Variants in CD99L2 observed in about 807,000 individuals in gnomAD.
The protein encoded by CD99L2 is CD99 molecule like 2.
Under a neutral mutation model 27.3 loss-of-function variants are expected in CD99L2, and 24 were observed. The ratio of observed to expected loss-of-function variants is 0.88; its 90% CI spans 0.64 to 1.24. The LOEUF is 1.24. Among genes scored for constraint, CD99L2 ranks in the 50% most tolerant of loss-of-function variants. The pLI is 0.00. For synonymous variants in CD99L2, 97 were observed against 87.9 expected (o/e 1.10, Z -0.58); for missense variants, 255 against 221.6 (o/e 1.15, Z -0.96).
chrX:150,861,730 GT>G (rs1163140395), intron 1 of CD99L2, among the ~76,000 whole-genome samples: 1 of 109,291 alleles, frequency 9.1e-6, no homozygotes, highest in Non-Finnish European at 1.9e-5. Context: ...GTGAAACCCC[GT>G]CTCTACTAAA....
chrX:150,887,045 T>C (rs926202899), intron 1 of CD99L2, among the ~76,000 whole-genome samples: 9 of 108,605 alleles, frequency 8.3e-5, no homozygotes, highest in Non-Finnish European at 1.5e-4. Context: ...TGTGGGAGGC[T>C]GACGTGGGAA....
chrX:150,893,875 C>G lies in CD99L2; in HGVS notation c.67+4647G>C, dbSNP rs1371627073. 3.6e-5 allele frequency among the ~76,000 whole-genome samples: 4 copies of G among 109,859 alleles called. No homozygotes were observed. In the East Asian group the frequency reaches 1.2e-3, roughly 32 times the overall value. ...GGACTACAAGCGTGTACCACCATGC[C>G]CAGCTAATTTTTGTATTTTTAGTAG... On this transcript the variant is annotated intron_variant, in intron 1 of 10. Coordinates refer to ENST00000370377, the MANE Select transcript of CD99L2 (RefSeq NM_031462.4).
intron 1 of CD99L2, among the ~76,000 whole-genome samples, chrX:150,856,809 A>C (rs1557421764): frequency 3.6e-5 from 4 of 111,175 alleles, no homozygotes. Context: ...CAAATCATTG[A>C]TTCTAAAGAA....
At chrX:150,870,462 C>A (rs1382923928) in intron 1 of CD99L2, among the ~76,000 whole-genome samples, 1 of 112,213 alleles carries the variant, frequency 8.9e-6, no homozygotes, top group African/African-American at 3.2e-5. Context: ...GTGGCATGTG[C>A]CTGTAATCCC....
intron 1 of CD99L2, among the ~76,000 whole-genome samples, chrX:150,852,483 C>T (rs2046808403): frequency 9.1e-6 from 1 of 110,043 alleles, no homozygotes; most frequent in Non-Finnish European, 1.9e-5. Flanking sequence ...CCTTTTTGAA[C>T]AGCTTTGTTG....
chrX:150,811,421 A>C (rs1474265322), intron 4 of CD99L2, among the ~76,000 whole-genome samples: 1 of 111,756 alleles, frequency 8.9e-6, no homozygotes, highest in Non-Finnish European at 1.9e-5. Context: ...AATACAAAAA[A>C]CTTCCCCAAA....
At chrX:150,869,227 T>C (rs2047117634) in intron 1 of CD99L2, among the ~76,000 whole-genome samples, 1 of 111,411 alleles carries the variant, frequency 9.0e-6, no homozygotes, top group Non-Finnish European at 1.9e-5. Flanking sequence ...CTAACTCCCA[T>C]GTGTGCAGGG....
intron 1 of CD99L2, among the ~76,000 whole-genome samples, chrX:150,847,976 C>T (rs141403210): frequency 1.8e-3 from 203 of 110,808 alleles, no homozygotes; most frequent in African/African-American, 5.8e-3. Flanking sequence ...AATCCATTCT[C>T]CACACAGCAG....
chrX:150,876,608 G>A (rs1415592583), intron 1 of CD99L2, among the ~76,000 whole-genome samples: 2 of 111,982 alleles, frequency 1.8e-5, no homozygotes, highest in Non-Finnish European at 3.8e-5. Flanking sequence ...TCTAGGTCCT[G>A]GGAATATAAC....
Position 150,793,686 on chromosome X carries a change from C to A in CD99L2, c.496+5G>T. 1 of 1,185,700 alleles carries A rather than the reference C, an allele frequency of 8.4e-7. No homozygotes were observed. The highest frequency in any genetic ancestry group is 1.1e-6 in the Non-Finnish European group (1 of 882,807). ...GGTTGTGTTGGCACAAATCAATGCT[C>A]CTACCTTTACCCTTGTCAGGTTTGT... On this transcript the variant is annotated splice_donor_5th_base_variant and intron_variant, in intron 7 of 10. Transcript: ENST00000370377.
At chrX:150,898,466 T>C (rs1244593419) in intron 1 of CD99L2, 56 bp downstream of exon 1, 11 of 996,243 alleles carry the variant, frequency 1.1e-5, no homozygotes, top group Admixed American at 4.1e-5. Flanking sequence ...GAGCGACCCC[T>C]GGGCCCACAA....
intron 1 of CD99L2, among the ~76,000 whole-genome samples, chrX:150,889,111 C>A (rs2047460088): frequency 1.8e-5 from 2 of 112,876 alleles, no homozygotes; most frequent in Non-Finnish European, 3.7e-5. Flanking sequence ...ATACATGTGA[C>A]TATGTATAGT....
chrX:150,797,914 G>A (rs1372008190), intron 4 of CD99L2, among the ~76,000 whole-genome samples: 6 of 105,482 alleles, frequency 5.7e-5, no homozygotes, highest in African/African-American at 1.0e-4. Context: ...GTGTGGTGGC[G>A]TGCACCTGTG....
At chrX:150,789,408 C>CA (rs1557419655) in intron 7 of CD99L2, among the ~76,000 whole-genome samples, 1 of 111,987 alleles carries the variant, frequency 8.9e-6, no homozygotes. Flanking sequence ...AGGCGTGAGC[C>CA]ACCACGCCCG....
chrX:150,784,115 G>T (rs782722642), intron 7 of CD99L2, among the ~76,000 whole-genome samples: 2 of 111,033 alleles, frequency 1.8e-5, no homozygotes, highest in East Asian at 5.7e-4. Flanking sequence ...CTCCTTCTGG[G>T]GATAGGGAGA....
rs12690368 is a variant in CD99L2 at position 150,853,174 on chromosome X, C to T, written c.68-21881G>A. 6.3e-5 allele frequency among the ~76,000 whole-genome samples: 7 copies of T among 111,784 alleles called. No homozygotes were observed. The East Asian group carries it at 1.7e-3, about 27-fold the overall frequency. On this transcript the variant is annotated intron_variant, in intron 1 of 10. Transcript: ENST00000370377. Reference sequence around the variant, plus strand: ...ACCTTCAGACAGACACAAGAACACACGTAAGTGCACCTAGACATACTCCAG... The same window carrying T: ...ACCTTCAGACAGACACAAGAACACATGTAAGTGCACCTAGACATACTCCAG...
chrX:150,795,458 G>C lies in CD99L2; in HGVS notation c.306C>G (p.Thr102=). ...RERWNHVTTT[T]KRPVTTRAPA... is the part of the protein sequence containing the mutation. ...GAGCTCTGGTGGTTACTGGCCTCTTGGTCGTGGTGGTTACATGGTTCCATC... is the reference window on the plus strand; with the variant it reads ...GAGCTCTGGTGGTTACTGGCCTCTTCGTCGTGGTGGTTACATGGTTCCATC... The change falls in exon 5 of 11, where the codon ACC becomes ACG. Residue 102 remains threonine, a synonymous_variant. Transcript: ENST00000370377. 8.3e-7 allele frequency: 1 copy of C among 1,211,229 alleles called. No homozygotes were observed. Among genetic ancestry groups the C allele is most frequent in the East Asian group, 3.0e-5 (1 of 33,839 alleles).
intron 4 of CD99L2, among the ~76,000 whole-genome samples, chrX:150,800,962 C>T (rs782354684): frequency 4.6e-5 from 5 of 108,495 alleles, no homozygotes; most frequent in East Asian, 5.8e-4. Flanking sequence ...ACCTGGGAGG[C>T]GGAGGTTACA....
intron 6 of CD99L2, among the ~76,000 whole-genome samples, chrX:150,794,492 C>A (rs2045755774): frequency 8.9e-6 from 1 of 112,093 alleles, no homozygotes; most frequent in South Asian, 3.7e-4. Context: ...AGGAAACTGA[C>A]ACAAGGAAGC....
Sources: allele counts gnomAD v4.1 joint callset (sites outside exome capture counted in the v4.1 genomes callset), GRCh38; gene constraint gnomAD v4.1.1; transcripts MANE v1.5; gene names NCBI Gene and HGNC (gene_info 2026-07-23, HGNC 2026-07-21).